Variants in MED24 observed in about 807,000 individuals in gnomAD.
MED24 encodes mediator complex subunit 24.
MED24 carries 74 observed loss-of-function variants against 118.8 expected under a neutral mutation model. The observed-to-expected ratio is 0.62, with a 90% CI of 0.52 to 0.76. MED24 has a LOEUF of 0.76. Ranked by LOEUF, MED24 falls within the 30% of genes least tolerant of loss-of-function variation. MED24 has a pLI of 0.00. For missense variants in MED24, 1,041 were observed against 1,278.9 expected (o/e 0.81, Z 2.84); for synonymous variants, 521 against 523.9 (o/e 0.99, Z 0.08).
Position 40,023,279 on chromosome 17 carries a change from A to C in MED24, c.2102T>G (p.Leu701Arg). 3 of 1,614,146 alleles carry C rather than the reference A, an allele frequency of 1.9e-6. No individual in the cohort carries two copies. The highest frequency in any genetic ancestry group is 2.5e-6 in the Non-Finnish European group (3 of 1,180,022). Residue 701 changes from leucine (L) to arginine (R), a missense_variant, in exon 20 of 26, where the codon CTG (leucine) becomes CGG (arginine). Physicochemically the swap from Leu to Arg is moderately radical, Grantham distance 102. Coordinates refer to ENST00000394128, the MANE Select transcript of MED24 (RefSeq NM_014815.4). Reference protein sequence around the residue: ...GVDTMPYWNLLPPKRPIKEVL... With the variant: ...GVDTMPYWNLRPPKRPIKEVL... Reference sequence around the variant, plus strand: ...CTCTTTGATGGGCCGCTTGGGGGGCAGCAGGTTCCAGTAGGGCATTGTGTC... The same window carrying C: ...CTCTTTGATGGGCCGCTTGGGGGGCCGCAGGTTCCAGTAGGGCATTGTGTC...
intron 20 of MED24, 147 bp downstream of exon 20, chr17:40,022,984 C>T (rs528045765): frequency 3.7e-6 from 5 of 1,354,080 alleles, no homozygotes; most frequent in East Asian, 2.5e-5. Flanking sequence ...GGCCAGAGCT[C>T]CCCAAGGAGG....
Position 40,033,321 on chromosome 17 carries a change from C to T in MED24, c.671+24G>A, listed in dbSNP as rs1568165620. 4 of 1,612,348 alleles carry T rather than the reference C, an allele frequency of 2.5e-6. No individual in the cohort carries two copies. The highest frequency in any genetic ancestry group is 3.4e-6 in the Non-Finnish European group (4 of 1,179,244). On this transcript the variant is annotated intron_variant, in intron 7 of 25. Transcript: ENST00000394128. This position sits in a 1 kb window ranked among gnomAD's most constrained non-coding sequence, Gnocchi z 5.2. The stretch of plus-strand genomic sequence containing the variant: ...GGGCGTGTCCTCCCTCTCCCTTCTC[C>T]ACCATCCCCCAGGGAGCCGGTACCT...
chr17:40,022,320 C>CT, intron 22 of MED24, 74 bp downstream of exon 22: 1 of 1,466,520 alleles, frequency 6.8e-7, no homozygotes, highest in South Asian at 1.2e-5. Context: ...TTCCCTTTGC[C>CT]TGGGGAATCC....
At chr17:40,043,076 G>A (rs552135784) in intron 3 of MED24, among the ~76,000 whole-genome samples, 31 of 152,258 alleles carry the variant, frequency 2.0e-4, no homozygotes, top group African/African-American at 3.1e-4. Flanking sequence ...TCAGCCTCCC[G>A]AGTAGCTGGG....
intron 9 of MED24, 80 bp downstream of exon 9, chr17:40,032,569 C>G: frequency 8.8e-7 from 1 of 1,134,472 alleles, no homozygotes; most frequent in Non-Finnish European, 1.3e-6. Context: ...GGGAGGAACA[C>G]AGGGCAAAGG....
At chr17:40,044,211 C>T (rs141517270) in intron 3 of MED24, among the ~76,000 whole-genome samples, 1 of 146,820 alleles carries the variant, frequency 6.8e-6, no homozygotes, top group East Asian at 2.1e-4. Flanking sequence ...TTTATGAATA[C>T]ATAAATTATG....
Position 40,039,945 on chromosome 17 carries a change from G to A in MED24, c.214-3791C>T, listed in dbSNP as rs142410404. Among the ~76,000 whole-genome samples the A allele has an allele frequency of 4.0e-3, 596 of 148,858 alleles. 5 individuals carry two copies. The highest frequency in any genetic ancestry group is 0.013 in the African/African-American group (522 of 40,684). On this transcript the variant is annotated intron_variant, in intron 3 of 25. Transcript: ENST00000394128. ...ACTACAGGCACCCACCACCACGCCC[G>A]GCTAATTTTTTGTATTCTTAGTAGA... is the stretch of plus-strand genomic sequence containing the variant.
rs1270147143 is a variant in MED24, at chr17:40,022,483, G to A, written c.2434C>T (p.Leu812=). The A allele has an allele frequency of 1.2e-6, 2 of 1,607,414 alleles. No homozygotes were observed. Among genetic ancestry groups the A allele is most frequent in the Non-Finnish European group, 8.5e-7 (1 of 1,177,000 alleles). ...MDPPGTALAK[L]AVWCALSSYS... ...GAACTGAGGGCACACCACACGGCCAGCCTGGCAAAGGGTTCCAGAAAAAGG... is the reference window on the plus strand; with the variant it reads ...GAACTGAGGGCACACCACACGGCCAACCTGGCAAAGGGTTCCAGAAAAAGG... The change falls in exon 22 of 26, where the codon CTG becomes TTG. Residue 812 remains leucine, a splice_region_variant and synonymous_variant. Coordinates refer to ENST00000394128, the MANE Select transcript of MED24 (RefSeq NM_014815.4).
intron 6 of MED24, among the ~76,000 whole-genome samples, chr17:40,034,494 T>C (rs764231548): frequency 6.6e-5 from 10 of 152,184 alleles, no homozygotes; most frequent in Non-Finnish European, 1.2e-4. Context: ...GGAGCAAGAC[T>C]ATGGCCTTAG....
chr17:40,042,976 G>A lies in MED24; in HGVS notation c.214-6822C>T, dbSNP rs539437207. Among the ~76,000 whole-genome samples, 7 of 152,286 alleles carry A rather than the reference G, an allele frequency of 4.6e-5. No individual in the cohort carries two copies. In the East Asian group the frequency reaches 1.3e-3, roughly 29 times the overall value. On this transcript the variant is annotated intron_variant, in intron 3 of 25. Coordinates refer to ENST00000394128, the MANE Select transcript of MED24 (RefSeq NM_014815.4). Reference sequence around the variant, plus strand: ...GTATGTATTTATTTATTTTGAGATAGGATCTCACTCTGTCACACAGGCTAA... The same window carrying A: ...GTATGTATTTATTTATTTTGAGATAAGATCTCACTCTGTCACACAGGCTAA...
Position 40,019,782 on chromosome 17 carries a change from C to CA in MED24, c.2853+2dup. 1 of 1,611,980 alleles carries CA rather than the reference C, an allele frequency of 6.2e-7. No individual in the cohort carries two copies. The highest frequency in any genetic ancestry group is 1.3e-5 in the African/African-American group (1 of 75,046). ...GCAGGAGAGCCGGGAAGGTGGTACT[C>CA]ACGGTGGTGAAGGGCATGAACTGCA... On this transcript the variant is annotated splice_region_variant and intron_variant, in intron 25 of 25. Coordinates refer to ENST00000394128, the MANE Select transcript of MED24 (RefSeq NM_014815.4).
chr17:40,053,519 A>G lies in MED24; in HGVS notation c.80T>C (p.Met27Thr). 6.2e-7 allele frequency: 1 copy of G among 1,614,114 alleles called. No individual in the cohort carries two copies. Among genetic ancestry groups the G allele is most frequent in the Non-Finnish European group, 8.5e-7 (1 of 1,180,008 alleles). The change falls in exon 2 of 26, where the codon ATG becomes ACG. Residue 27 changes from methionine (M) to threonine (T), a missense_variant. Physicochemically the swap from Met to Thr is moderately conservative, Grantham distance 81. Around this residue, in one of 3 missense-constraint regions of MED24, gnomAD observed 434 missense variants for 514.9 expected, o/e 0.84. Coordinates refer to ENST00000394128, the MANE Select transcript of MED24 (RefSeq NM_014815.4). Reference protein sequence around the residue: ...RWSDYQWAINMKKFFPKGATW... With the variant: ...RWSDYQWAINTKKFFPKGATW... ...GGCTCCTTTAGGAAAGAATTTCTTC[A>G]TGTTGATTGCCCATTGGTAGTCACT...
chr17:40,021,230 C>T (rs1400990770), intron 23 of MED24: 1 of 152,416 alleles, frequency 6.6e-6, no homozygotes, highest in African/African-American at 2.4e-5. Context: ...CTGCTTACTC[C>T]TCACAACACC....
rs551062481 is a variant in MED24, at chr17:40,035,619, T to C, written c.326+103A>G. 5 of 1,258,558 alleles carry C rather than the reference T, an allele frequency of 4.0e-6. 1 individual carries two copies. The South Asian group carries it at 4.6e-5, about 11-fold the overall frequency. 78.0% of individuals were successfully genotyped at this position (1,258,558 alleles called of 1,614,324 possible). ...GATGGGCAGGTGGGGAGAAAAAACGTTGGAACCCGGAGTTGGTCTCGGTCT... is the reference window on the plus strand; with the variant it reads ...GATGGGCAGGTGGGGAGAAAAAACGCTGGAACCCGGAGTTGGTCTCGGTCT... On this transcript the variant is annotated intron_variant, in intron 5 of 25. Coordinates refer to ENST00000394128, the MANE Select transcript of MED24 (RefSeq NM_014815.4).
chr17:40,019,921 A>G lies in MED24; in HGVS notation c.2717T>C (p.Leu906Pro). 1 of 1,566,886 alleles carries G rather than the reference A, an allele frequency of 6.4e-7. No homozygotes were observed. Among genetic ancestry groups the G allele is most frequent in the South Asian group, 1.2e-5 (1 of 85,320 alleles). ...PLNRVLANLF[L>P]LISSILGSRT... ...AGACCCCAGGATGGAGGAGATGAGCAGGAACAGGTTGGCTGTAGAGAGTGG... is the reference window on the plus strand; with the variant it reads ...AGACCCCAGGATGGAGGAGATGAGCGGGAACAGGTTGGCTGTAGAGAGTGG... Residue 906 changes from leucine (L) to proline (P), a missense_variant, in exon 25 of 26, where the codon CTG becomes CCG. Physicochemically the swap from Leu to Pro is moderately conservative, Grantham distance 98. Transcript: ENST00000394128.
intron 3 of MED24, among the ~76,000 whole-genome samples, chr17:40,049,613 G>A (rs1404908315): frequency 6.6e-6 from 1 of 152,016 alleles, no homozygotes; most frequent in Non-Finnish European, 1.5e-5. Flanking sequence ...TGCAACCTCT[G>A]ACTCCCTGGT....
chr17:40,040,105 G>A (rs1053829324), intron 3 of MED24, among the ~76,000 whole-genome samples: 6 of 146,718 alleles, frequency 4.1e-5, no homozygotes, highest in Non-Finnish European at 6.0e-5. Flanking sequence ...TTGAGACAGA[G>A]TCTCACTCTG....
At chr17:40,020,532 A>G in intron 23 of MED24, 179 bp from the exon 24 acceptor site, 1 of 1,438,520 alleles carries the variant, frequency 7.0e-7, no homozygotes, top group Non-Finnish European at 9.5e-7. Context: ...TCACACCTGT[A>G]ATCCCAGCAT....
At chr17:40,020,105 G>GCCGCCCC in intron 24 of MED24, 168 bp downstream of exon 24, 3 of 716,056 alleles carry the variant, frequency 4.2e-6, no homozygotes, top group Non-Finnish European at 6.8e-6. Flanking sequence ...GGAGGAGGGG[G>GCCGCCCC]AACTAGACAG....
Sources: gnomAD v4.1 joint callset for allele counts (sites outside exome capture counted in the v4.1 genomes callset) on GRCh38, gnomAD v4.1.1 for gene constraint, gnomAD v4.1.1 regional missense constraint, Gnocchi (gnomAD v3.1) non-coding constraint, MANE v1.5 for transcripts, NCBI Gene and HGNC (gene_info 2026-07-23, HGNC 2026-07-21) for gene names.